Variants in SLC6A11 observed in about 807,000 individuals in gnomAD.
The protein encoded by SLC6A11 is sodium- and chloride-dependent GABA transporter 3.
In SLC6A11, 25 loss-of-function variants were observed where a neutral mutation model predicts 74.8. The observed-to-expected ratio is 0.33, with a 90% CI of 0.24 to 0.47. SLC6A11 has a LOEUF of 0.47. Among genes scored for constraint, SLC6A11 ranks in the 20% least tolerant of loss-of-function variants. The probability of loss-of-function intolerance (pLI) is 1.00; values close to 1 mark genes in which losing one functional copy is unlikely to be tolerated. For missense variants in SLC6A11, 574 were observed against 837.0 expected (o/e 0.69, Z 3.88); for synonymous variants, 330 against 330.2 (o/e 1.00, Z 0.01).
intron 8 of SLC6A11, among the ~76,000 whole-genome samples, chr3:10,924,416 A>G (rs1409899164): frequency 1.3e-5 from 2 of 152,202 alleles, no homozygotes. Context: ...GAACCTACAA[A>G]AAAAGTAATA....
At chr3:10,866,652 C>T (rs1212682371) in intron 5 of SLC6A11, among the ~76,000 whole-genome samples, 1 of 152,362 alleles carries the variant, frequency 6.6e-6, no homozygotes, top group Non-Finnish European at 1.5e-5. Context: ...TTTAGCTCTT[C>T]ATGGAAATAC....
intron 4 of SLC6A11, 67 bp from the exon 5 acceptor site, chr3:10,844,147 G>C: frequency 1.3e-6 from 2 of 1,595,350 alleles, no homozygotes; most frequent in East Asian, 4.5e-5. Context: ...CTGCTCCTCT[G>C]CAGTACTAGC....
rs1343300868 is a variant in SLC6A11 at position 10,933,147 on chromosome 3, G to A, written c.1372-4G>A. On this transcript the variant is annotated splice_region_variant and splice_polypyrimidine_tract_variant and intron_variant, in intron 10 of 13. Transcript: ENST00000254488. The stretch of plus-strand genomic sequence containing the variant: ...CATCCGTGTGTCTGTTCCCCGACCT[G>A]CAGGGTGGCATGTACATCTTCCAGC... The A allele has an allele frequency of 7.5e-6, 12 of 1,610,662 alleles. No homozygotes were observed. Among genetic ancestry groups the A allele is most frequent in the Non-Finnish European group, 1.0e-5 (12 of 1,176,994 alleles).
chr3:10,877,313 ATGTGG>A (rs1190935229), intron 6 of SLC6A11, among the ~76,000 whole-genome samples: 1 of 152,162 alleles, frequency 6.6e-6, no homozygotes, highest in East Asian at 1.9e-4. Flanking sequence ...ATACTCATGG[ATGTGG>A]TTTGTTTCCA....
intron 6 of SLC6A11, among the ~76,000 whole-genome samples, chr3:10,883,052 G>A (rs539853422): frequency 3.3e-5 from 5 of 151,854 alleles, no homozygotes; most frequent in East Asian, 1.9e-4. Flanking sequence ...CCAAGGGGGC[G>A]GGGGGCGGGG....
chr3:10,832,674 C>T, intron 4 of SLC6A11, among the ~76,000 whole-genome samples: 1 of 152,172 alleles, frequency 6.6e-6, no homozygotes, highest in East Asian at 1.9e-4. Flanking sequence ...GCTAGTATTT[C>T]CCCGTACTCT....
At chr3:10,825,789 A>G (rs1559552566) in intron 4 of SLC6A11, among the ~76,000 whole-genome samples, 2 of 152,156 alleles carry the variant, frequency 1.3e-5, no homozygotes, top group Non-Finnish European at 2.9e-5. Flanking sequence ...CTTACTGATC[A>G]TTCATTCTTT....
intron 10 of SLC6A11, among the ~76,000 whole-genome samples, chr3:10,930,432 A>G (rs1695671035): frequency 6.6e-6 from 1 of 152,198 alleles, no homozygotes; most frequent in Non-Finnish European, 1.5e-5. Flanking sequence ...TGCTCGGTGC[A>G]CAGTGGCTGG....
At chr3:10,891,323 A>G (rs551185638) in intron 6 of SLC6A11, among the ~76,000 whole-genome samples, 61 of 152,374 alleles carry the variant, frequency 4.0e-4, no homozygotes, top group Admixed American at 7.2e-4. Context: ...TCATAAAAAT[A>G]TTAACCCTCA....
chr3:10,920,878 G>T (rs1352655715), intron 8 of SLC6A11, among the ~76,000 whole-genome samples: 3 of 152,218 alleles, frequency 2.0e-5, no homozygotes, highest in Non-Finnish European at 2.9e-5. Flanking sequence ...CTGGTTGGGG[G>T]TGTGGATCAC....
chr3:10,838,774 G>T (rs1694400473), intron 4 of SLC6A11, among the ~76,000 whole-genome samples: 1 of 152,102 alleles, frequency 6.6e-6, no homozygotes, highest in African/African-American at 2.4e-5. Context: ...ATCAATTTGG[G>T]CAAGTTGCTT....
intron 6 of SLC6A11, among the ~76,000 whole-genome samples, chr3:10,883,045 AG>A (rs1559570545): frequency 1.4e-5 from 2 of 143,668 alleles, no homozygotes; most frequent in African/African-American, 5.0e-5. Flanking sequence ...CCACAGCCCA[AG>A]GGGGCGGGGG....
intron 5 of SLC6A11, among the ~76,000 whole-genome samples, chr3:10,869,228 G>T (rs1381811209): frequency 6.6e-6 from 1 of 152,234 alleles, no homozygotes; most frequent in Non-Finnish European, 1.5e-5. Context: ...TAGGTGCTGG[G>T]AGGATGCGGG....
At chr3:10,911,130 G>A (rs1559580138) in intron 6 of SLC6A11, among the ~76,000 whole-genome samples, 1 of 152,178 alleles carries the variant, frequency 6.6e-6, no homozygotes, top group African/African-American at 2.4e-5. Flanking sequence ...GCCCGGCCGG[G>A]TTGCCGTGAA....
chr3:10,892,417 C>T (rs948119956), intron 6 of SLC6A11, among the ~76,000 whole-genome samples: 1 of 152,174 alleles, frequency 6.6e-6, no homozygotes, highest in Non-Finnish European at 1.5e-5. Context: ...CCCCACTGCT[C>T]ATCCCAGGAG....
chr3:10,838,769 T>C (rs1470005547), intron 4 of SLC6A11, among the ~76,000 whole-genome samples: 3 of 152,120 alleles, frequency 2.0e-5, no homozygotes, highest in Non-Finnish European at 4.4e-5. Flanking sequence ...TATATATCAA[T>C]TTGGGCAAGT....
At chr3:10,845,379 CTTT>C (rs1694490412) in intron 5 of SLC6A11, among the ~76,000 whole-genome samples, 1 of 152,146 alleles carries the variant, frequency 6.6e-6, no homozygotes, top group South Asian at 2.1e-4. Flanking sequence ...TGCTGTTCAT[CTTT>C]TTCTTACGAA....
At chr3:10,837,101 G>T (rs1286700596) in intron 4 of SLC6A11, among the ~76,000 whole-genome samples, 1 of 152,164 alleles carries the variant, frequency 6.6e-6, no homozygotes, top group South Asian at 2.1e-4. Flanking sequence ...TGGGGTTGGG[G>T]TGGGGACCAA....
At chr3:10,931,394 G>A (rs1695684004) in intron 10 of SLC6A11, among the ~76,000 whole-genome samples, 1 of 152,118 alleles carries the variant, frequency 6.6e-6, no homozygotes, top group Non-Finnish European at 1.5e-5. Context: ...AGCAACGGGA[G>A]GTGGGGGCGG....
Sources: allele counts gnomAD v4.1 joint callset (sites outside exome capture counted in the v4.1 genomes callset), GRCh38; gene constraint gnomAD v4.1.1; transcripts MANE v1.5; gene names NCBI Gene and HGNC (gene_info 2026-07-23, HGNC 2026-07-21).